The following NTM variants were observed in gnomAD, a reference collection of about 807,000 sequenced individuals.
The protein encoded by NTM is IgLON family member 2.
NTM carries 13 observed loss-of-function variants against 42.1 expected under a neutral mutation model. That is an observed-to-expected ratio of 0.31 (90% CI 0.20 to 0.49). The LOEUF (loss-of-function observed/expected upper bound fraction) is 0.49. NTM is among the 20% of genes least tolerant of loss of function. The pLI is 0.99. For synonymous variants in NTM, 187 were observed against 179.2 expected (o/e 1.04, Z -0.35); for missense variants, 373 against 452.8 (o/e 0.82, Z 1.60).
chr11:132,174,153 T>C (rs1372655174), intron 3 of NTM, among the ~76,000 whole-genome samples: 3 of 152,204 alleles, frequency 2.0e-5, no homozygotes, highest in Non-Finnish European at 2.9e-5. Flanking sequence ...GTTTCAACAC[T>C]GTTTATTAGC....
chr11:131,441,459 T>C (rs892781188), intron 1 of NTM, among the ~76,000 whole-genome samples: 2 of 152,262 alleles, frequency 1.3e-5, no homozygotes, highest in African/African-American at 2.4e-5. Context: ...ATCAATTCAC[T>C]CTCCATATGC....
chr11:131,418,774 G>A lies in NTM; in HGVS notation c.82+47886G>A, dbSNP rs529087857. On this transcript the variant is annotated intron_variant, in intron 1 of 8. Transcript: ENST00000683400. ...CAGTCTATTGATTCTCTATTAAATT[G>A]CAAGAAATCAAAACAGATCACCAAG... is the stretch of plus-strand genomic sequence containing the variant. 8.7e-4 allele frequency among the ~76,000 whole-genome samples: 133 copies of A among 152,258 alleles called. 1 individual carries two copies. The Middle Eastern group carries it at 0.014, about 16-fold the overall frequency.
rs146169818 is a variant in NTM, at chr11:132,301,635, C to T, written c.527-6054C>T. ...AATGGCACTGGGGGAATACAACTGT[C>T]CTTGAGGTCAGCCTGGGTTTAACAG... On this transcript the variant is annotated intron_variant, in intron 4 of 8. Coordinates refer to ENST00000683400, the MANE Select transcript of NTM (RefSeq NM_001352005.2). Among the ~76,000 whole-genome samples the T allele has an allele frequency of 1.2e-4, 18 of 152,284 alleles. No homozygotes were observed. The East Asian group carries it at 3.5e-3, about 29-fold the overall frequency.
intron 1 of NTM, among the ~76,000 whole-genome samples, chr11:131,451,189 A>G (rs748876201): frequency 1.3e-5 from 2 of 152,232 alleles, no homozygotes; most frequent in African/African-American, 2.4e-5. Flanking sequence ...ATAAGCACTT[A>G]TGGACCACCA....
At chr11:131,521,648 C>G (rs2049742505) in intron 1 of NTM, among the ~76,000 whole-genome samples, 1 of 151,770 alleles carries the variant, frequency 6.6e-6, no homozygotes, top group Non-Finnish European at 1.5e-5. Context: ...GAGGACAGCA[C>G]CAAAACATTC....
intron 2 of NTM, among the ~76,000 whole-genome samples, chr11:132,058,147 G>A (rs761359661): frequency 6.6e-6 from 1 of 152,058 alleles, no homozygotes; most frequent in Admixed American, 6.6e-5. Context: ...TCATGGTGGC[G>A]TTCTTTGTGA....
At chr11:132,151,576 C>T (rs1423320528) in intron 3 of NTM, among the ~76,000 whole-genome samples, 1 of 152,210 alleles carries the variant, frequency 6.6e-6, no homozygotes, top group African/African-American at 2.4e-5. Flanking sequence ...GTTTTCCAGG[C>T]CCTAGCTAGG....
Position 131,753,330 on chromosome 11 carries a change from T to C in NTM, c.83-158234T>C, listed in dbSNP as rs1368966279. Among the ~76,000 whole-genome samples the C allele has an allele frequency of 2.0e-5, 3 of 151,876 alleles. No individual in the cohort carries two copies. In the East Asian group the frequency reaches 5.8e-4, roughly 29 times the overall value. ...AGTTCAACCATTGTGGAAGTCAGTG[T>C]GGCGATTCCTCAGGGATCTAGAACT... On this transcript the variant is annotated intron_variant, in intron 1 of 8. Coordinates refer to ENST00000683400, the MANE Select transcript of NTM (RefSeq NM_001352005.2).
At chr11:131,768,912 T>C (rs746729555) in intron 1 of NTM, among the ~76,000 whole-genome samples, 2 of 152,244 alleles carry the variant, frequency 1.3e-5, no homozygotes, top group Non-Finnish European at 2.9e-5. Flanking sequence ...GACATTTTTG[T>C]ATTACTTTTG....
chr11:131,507,695 A>G (rs1220571140), intron 1 of NTM, among the ~76,000 whole-genome samples: 2 of 147,392 alleles, frequency 1.4e-5, no homozygotes, highest in Non-Finnish European at 3.0e-5. Flanking sequence ...ATGAGCATGG[A>G]ATGTTCTTCC....
intron 1 of NTM, among the ~76,000 whole-genome samples, chr11:131,469,145 A>G (rs763631353): frequency 3.3e-5 from 5 of 152,022 alleles, no homozygotes; most frequent in Non-Finnish European, 7.4e-5. Flanking sequence ...CCCCACCCAC[A>G]ACCAGCGCCT....
At chr11:132,232,933 C>T (rs547356542) in intron 4 of NTM, among the ~76,000 whole-genome samples, 7 of 152,274 alleles carry the variant, frequency 4.6e-5, no homozygotes, top group South Asian at 2.1e-4. Flanking sequence ...TTCTCATTAT[C>T]GTTTGCTAAC....
chr11:132,217,149 G>C lies in NTM; in HGVS notation c.526+5002G>C, dbSNP rs576772963. ...GTGCCTTGCTGTACCAAGTACTCCT[G>C]TGTCTAAACCCCGGATGACTCCCAA... is the stretch of plus-strand genomic sequence containing the variant. On this transcript the variant is annotated intron_variant, in intron 4 of 8. Coordinates refer to ENST00000683400, the MANE Select transcript of NTM (RefSeq NM_001352005.2). Among the ~76,000 whole-genome samples, 10 of 152,202 alleles carry C rather than the reference G, an allele frequency of 6.6e-5. No homozygotes were observed. In the South Asian group the frequency reaches 2.1e-3, roughly 32 times the overall value.
intron 4 of NTM, among the ~76,000 whole-genome samples, chr11:132,291,070 G>T (rs779560325): frequency 6.6e-6 from 1 of 152,154 alleles, no homozygotes; most frequent in South Asian, 2.1e-4. Flanking sequence ...TGATGGTATC[G>T]TATGGCCTGG....
At chr11:132,202,039 C>T (rs1052590982) in intron 3 of NTM, among the ~76,000 whole-genome samples, 7 of 152,132 alleles carry the variant, frequency 4.6e-5, no homozygotes, top group East Asian at 3.8e-4. Context: ...CTCTTCCTCA[C>T]GAAATTATGT....
chr11:131,880,129 C>T (rs1240604788), intron 1 of NTM, among the ~76,000 whole-genome samples: 1 of 152,174 alleles, frequency 6.6e-6, no homozygotes, highest in Non-Finnish European at 1.5e-5. Flanking sequence ...GCCATCTTGG[C>T]AAATGGCTAA....
At chr11:131,958,865 A>C (rs1565825397) in intron 2 of NTM, among the ~76,000 whole-genome samples, 1 of 152,176 alleles carries the variant, frequency 6.6e-6, no homozygotes, top group Non-Finnish European at 1.5e-5. Flanking sequence ...TTTTTGGAAG[A>C]GAAATAGGAG....
chr11:132,025,893 G>A (rs2075106897), intron 2 of NTM, among the ~76,000 whole-genome samples: 1 of 152,172 alleles, frequency 6.6e-6, no homozygotes, highest in Non-Finnish European at 1.5e-5. Flanking sequence ...TCAATTGGAA[G>A]CAACCTCCCA....
intron 1 of NTM, among the ~76,000 whole-genome samples, chr11:131,688,160 C>T (rs775173167): frequency 6.6e-6 from 1 of 152,156 alleles, no homozygotes; most frequent in Non-Finnish European, 1.5e-5. Context: ...CTCCCCAGAA[C>T]GGCCACCGGA....
Sources: gnomAD v4.1 joint callset for allele counts (sites outside exome capture counted in the v4.1 genomes callset) on GRCh38, gnomAD v4.1.1 for gene constraint, MANE v1.5 for transcripts, NCBI Gene and HGNC (gene_info 2026-07-23, HGNC 2026-07-21) for gene names.